The following DPP6 variants were observed in gnomAD, a reference collection of about 807,000 sequenced individuals.
The protein encoded by DPP6 is A-type potassium channel modulatory protein DPP6.
DPP6 carries 69 observed loss-of-function variants against 122.6 expected under a neutral mutation model. The ratio of observed to expected loss-of-function variants is 0.56; its 90% CI spans 0.46 to 0.69. The LOEUF is 0.69. Among genes scored for constraint, DPP6 ranks in the 30% least tolerant of loss-of-function variants. The pLI, the probability that DPP6 is intolerant of heterozygous loss-of-function variation, is 0.00. For missense variants in DPP6, 928 were observed against 1,116.9 expected (o/e 0.83, Z 2.41); for synonymous variants, 418 against 433.1 (o/e 0.97, Z 0.43).
At chr7:154,616,428 C>G (rs558644372) in intron 5 of DPP6, among the ~76,000 whole-genome samples, 22 of 152,116 alleles carry the variant, frequency 1.4e-4, no homozygotes, top group Non-Finnish European at 3.1e-4. Flanking sequence ...TCTAACGCCC[C>G]CCTCCCCTCC....
intron 1 of DPP6, among the ~76,000 whole-genome samples, chr7:153,960,484 T>G (rs1327532571): frequency 1.3e-5 from 2 of 151,768 alleles, no homozygotes; most frequent in African/African-American, 4.8e-5. Flanking sequence ...TGCAAAAGAT[T>G]AGGGATGGTT....
intron 2 of DPP6, among the ~76,000 whole-genome samples, chr7:154,462,303 C>G (rs1050178240): frequency 6.6e-6 from 1 of 152,030 alleles, no homozygotes; most frequent in African/African-American, 2.4e-5. Flanking sequence ...ATGATTCATC[C>G]AGTTTTGTTC....
intron 1 of DPP6, among the ~76,000 whole-genome samples, chr7:154,429,515 T>C (rs1166980359): frequency 6.6e-6 from 1 of 152,200 alleles, no homozygotes. Flanking sequence ...GCATCGCTTT[T>C]AACAGCCACA....
intron 14 of DPP6, among the ~76,000 whole-genome samples, chr7:154,804,388 G>C (rs1487025217): frequency 1.3e-5 from 2 of 152,228 alleles, no homozygotes; most frequent in African/African-American, 2.4e-5. Flanking sequence ...AGGTTATTCA[G>C]TTGGTAGCGG....
intron 1 of DPP6, among the ~76,000 whole-genome samples, chr7:154,417,393 A>T (rs1455090979): frequency 6.6e-6 from 1 of 152,220 alleles, no homozygotes; most frequent in Admixed American, 6.5e-5. Context: ...ATTTAAATGC[A>T]CAAGCCCCTA....
chr7:154,694,804 C>T (rs1840125622), intron 7 of DPP6, among the ~76,000 whole-genome samples: 1 of 152,162 alleles, frequency 6.6e-6, no homozygotes, highest in African/African-American at 2.4e-5. Context: ...GACATTCATG[C>T]TGATACCAGG....
chr7:153,944,726 G>A (rs1801866756), intron 1 of DPP6, among the ~76,000 whole-genome samples: 2 of 127,886 alleles, frequency 1.6e-5, no homozygotes, highest in Admixed American at 9.3e-5. Context: ...TGCCTCCCGT[G>A]TTCAAGCAAT....
At chr7:153,884,381 G>C (rs1291361873), upstream of DPP6, among the ~76,000 whole-genome samples, 1 of 152,190 alleles carries the variant, frequency 6.6e-6, no homozygotes, top group Non-Finnish European at 1.5e-5. Flanking sequence ...TGGTGTATAT[G>C]TGCCACATTT....
intron 1 of DPP6, among the ~76,000 whole-genome samples, chr7:153,922,610 T>C (rs968958716): frequency 2.0e-5 from 3 of 152,258 alleles, no homozygotes; most frequent in Non-Finnish European, 4.4e-5. Context: ...TCTGATATCA[T>C]TGTATATCTT....
At chr7:154,769,346 T>A in intron 8 of DPP6, 71 bp from the exon 9 acceptor site, 1 of 1,596,890 alleles carries the variant, frequency 6.3e-7, no homozygotes, top group Non-Finnish European at 8.6e-7. Flanking sequence ...CCACCTCATG[T>A]TCCTGCTGGT....
intron 5 of DPP6, among the ~76,000 whole-genome samples, chr7:154,574,797 T>TGTG (rs1443626371): frequency 8.1e-5 from 8 of 98,224 alleles, no homozygotes; most frequent in Non-Finnish European, 1.5e-4. Context: ...GTGTGTGGTG[T>TGTG]GTGTTTGTGT....
intron 1 of DPP6, among the ~76,000 whole-genome samples, chr7:153,997,030 CCT>C (rs139415383): frequency 1.1e-3 from 162 of 146,808 alleles, no homozygotes; most frequent in Admixed American, 1.2e-3. Context: ...AATCTTTATG[CCT>C]CTCTCTCTCT....
the DPP6 span, among the ~76,000 whole-genome samples, chr7:153,816,312 AATAT>A: frequency 0.71 from 107,140 of 150,398 alleles, 38,799 homozygotes; most frequent in African/African-American, 0.86. Context: ...TTCCTATGTT[AATAT>A]ATATATTTAG....
At chr7:154,715,253 G>C (rs551998486) in intron 7 of DPP6, among the ~76,000 whole-genome samples, 2 of 152,072 alleles carry the variant, frequency 1.3e-5, no homozygotes, top group Non-Finnish European at 2.9e-5. Flanking sequence ...TTTTTAAGTA[G>C]AGATGGGTTT....
chr7:154,475,262 C>CTTCA, intron 3 of DPP6: 2 of 498,852 alleles, frequency 4.0e-6, no homozygotes, highest in Non-Finnish European at 7.4e-6. Flanking sequence ...TCCACACAGC[C>CTTCA]TTCACTTAAT....
At chr7:154,776,305 T>TC (rs1169901392) in intron 10 of DPP6, among the ~76,000 whole-genome samples, 3 of 151,612 alleles carry the variant, frequency 2.0e-5, no homozygotes, top group African/African-American at 7.3e-5. Context: ...ACCCTTTCTA[T>TC]CCCCCCTCAC....
intron 1 of DPP6, among the ~76,000 whole-genome samples, chr7:153,908,544 AAGAG>A (rs1400682937): frequency 6.6e-6 from 1 of 152,194 alleles, no homozygotes; most frequent in African/African-American, 2.4e-5. Flanking sequence ...ACAGTCTGAT[AAGAG>A]AGAGACCTCA....
intron 10 of DPP6, among the ~76,000 whole-genome samples, chr7:154,790,666 T>G (rs1284671536): frequency 6.6e-6 from 1 of 152,104 alleles, no homozygotes; most frequent in Non-Finnish European, 1.5e-5. Context: ...CTCAGGCCTC[T>G]GAGGTGAGCC....
chr7:153,781,873 G>A, the DPP6 span, among the ~76,000 whole-genome samples: 3 of 151,692 alleles, frequency 2.0e-5, 1 homozygote, highest in South Asian at 6.3e-4. Flanking sequence ...ATGAGATGTT[G>A]TTACTGTTTT....
Sources: gnomAD v4.1 joint callset for allele counts (sites outside exome capture counted in the v4.1 genomes callset) on GRCh38, gnomAD v4.1.1 for gene constraint, MANE v1.5 for transcripts, NCBI Gene and HGNC (gene_info 2026-07-23, HGNC 2026-07-21) for gene names.